LEFTY2: variants seen among roughly 807,000 people sequenced by gnomAD.
The protein encoded by LEFTY2 is TGF-beta-4.
In LEFTY2, 10 loss-of-function variants were observed where a neutral mutation model predicts 26.4. The ratio of observed to expected loss-of-function variants is 0.38; its 90% CI spans 0.23 to 0.64. The LOEUF is 0.64. LEFTY2 is among the 30% of genes least tolerant of loss of function. LEFTY2 has a pLI of 0.56. For synonymous variants in LEFTY2, 204 were observed against 234.1 expected (o/e 0.87, Z 1.17); for missense variants, 407 against 502.1 (o/e 0.81, Z 1.81).
Position 225,941,152 on chromosome 1 carries a change from G to C in LEFTY2, c.-12C>G, listed in dbSNP as rs1386542770. ...CACAGGGGCCACATGGTGCTGCCCTGGGGGAGCAGGAGGCAGAGTGGGGCT... is the reference window on the plus strand; with the variant it reads ...CACAGGGGCCACATGGTGCTGCCCTCGGGGAGCAGGAGGCAGAGTGGGGCT... On this transcript the variant is annotated 5_prime_UTR_variant, in exon 1 of 4. Transcript: ENST00000366820. The C allele has an allele frequency of 7.2e-6, 11 of 1,533,866 alleles. No individual in the cohort carries two copies. Among genetic ancestry groups the C allele is most frequent in the Middle Eastern group, 2.2e-4 (1 of 4,516 alleles).
rs1204205541 is a variant in LEFTY2 at position 225,941,186 on chromosome 1, G to C, written c.-46C>G. 6.7e-7 allele frequency: 1 copy of C among 1,494,254 alleles called. No homozygotes were observed. The highest frequency in any genetic ancestry group is 2.3e-5 in the Admixed American group (1 of 43,904). 92.6% of individuals were successfully genotyped at this position (1,494,254 alleles called of 1,614,324 possible). On this transcript the variant is annotated 5_prime_UTR_variant, in exon 1 of 4. Transcript: ENST00000366820. Reference sequence around the variant, plus strand: ...GGAGGCAGAGTGGGGCTGTCCTCTAGGGAGGTTGAAGGAGGGTCTCAGGCA... The same window carrying C: ...GGAGGCAGAGTGGGGCTGTCCTCTACGGAGGTTGAAGGAGGGTCTCAGGCA...
intron 1 of LEFTY2, among the ~76,000 whole-genome samples, 191 bp downstream of exon 1, chr1:225,940,700 G>C (rs1379916514): frequency 6.6e-6 from 1 of 152,092 alleles, no homozygotes; most frequent in Non-Finnish European, 1.5e-5. Flanking sequence ...TGGGCTGGAG[G>C]GGGGCCTCAG....
rs1553253639 is a variant in LEFTY2, at chr1:225,939,612, T to C, written c.498-12A>G. On this transcript the variant is annotated splice_polypyrimidine_tract_variant and intron_variant, in intron 2 of 3. Transcript: ENST00000366820. This position sits in a 1 kb window ranked among gnomAD's most constrained non-coding sequence, Gnocchi z 4.1. ...GGACGGACACCAGCCTGAGACATGA[T>C]ACACACGACACGGAGACCCAGCGCC... is the stretch of plus-strand genomic sequence containing the variant. 2.5e-6 allele frequency: 4 copies of C among 1,612,390 alleles called. No homozygotes were observed. Among genetic ancestry groups the C allele is most frequent in the African/African-American group, 1.3e-5 (1 of 74,992 alleles).
Position 225,939,304 on chromosome 1 carries a change from G to C in LEFTY2, c.737+57C>G, listed in dbSNP as rs540392243. The C allele has an allele frequency of 1.6e-5, 25 of 1,610,400 alleles. No homozygotes were observed. The highest frequency in any genetic ancestry group is 6.7e-5 in the Admixed American group (4 of 59,648). On this transcript the variant is annotated intron_variant, in intron 3 of 3. Transcript: ENST00000366820. The surrounding 1 kb of genome is among the most constrained non-coding windows in gnomAD (Gnocchi z 4.1). Reference sequence around the variant, plus strand: ...CGGTCCCCCAGACAGTCCTGGGGACGGGGGTCTGGACCACTCAGTGGCTGC... The same window carrying C: ...CGGTCCCCCAGACAGTCCTGGGGACCGGGGTCTGGACCACTCAGTGGCTGC...
At position 225,937,383 on chromosome 1, in the gene LEFTY2, A is replaced by G; in HGVS notation, c.*58T>C. The G allele has an allele frequency of 6.2e-7, 1 of 1,612,048 alleles. No individual in the cohort carries two copies. Among genetic ancestry groups the G allele is most frequent in the East Asian group, 2.2e-5 (1 of 44,892 alleles). On this transcript the variant is annotated 3_prime_UTR_variant, in exon 4 of 4. Coordinates refer to ENST00000366820, the MANE Select transcript of LEFTY2 (RefSeq NM_003240.5). ...TGCTAAGTATAAAGTTAAGACCTAC[A>G]TTAAGACCACCTCTATGCACACGTT...
At chr1:225,940,418 C>T (rs1250163270) in intron 1 of LEFTY2, among the ~76,000 whole-genome samples, 2 of 152,240 alleles carry the variant, frequency 1.3e-5, no homozygotes, top group East Asian at 1.9e-4. Flanking sequence ...CACAAGGACT[C>T]ACTTTGACGT....
chr1:225,938,023 A>G (rs1196999966), intron 3 of LEFTY2, among the ~76,000 whole-genome samples: 12 of 150,340 alleles, frequency 8.0e-5, no homozygotes, highest in Admixed American at 6.6e-4. Flanking sequence ...CCAGACAATG[A>G]ACTAGGTACT....
Position 225,941,077 on chromosome 1 carries a change from G to A in LEFTY2, c.64C>T (p.Leu22=). 1 of 1,600,510 alleles carries A rather than the reference G, an allele frequency of 6.2e-7. No individual in the cohort carries two copies. Residue 22 remains leucine (L), a synonymous_variant, in exon 1 of 4, where the codon CTG becomes TTG. Transcript: ENST00000366820. ...CTGCCCAGGAGCTGCTCCTCGGTCA[G>A]GGCCGCCCCGGGGCCAGCCAGGGGC... ...VLPLAGPGAA[L]TEEQLLGSLL...
Position 225,936,681 on chromosome 1 carries a change from T to C in LEFTY2, c.*760A>G, listed in dbSNP as rs1576154559. 6.6e-6 allele frequency: 1 copy of C among 152,300 alleles called. No homozygotes were observed. The highest frequency in any genetic ancestry group is 3.4e-3 in the Middle Eastern group (1 of 294). 9.4% of individuals were successfully genotyped at this position (152,300 alleles called of 1,614,324 possible). On this transcript the variant is annotated 3_prime_UTR_variant, in exon 4 of 4. Coordinates refer to ENST00000366820, the MANE Select transcript of LEFTY2 (RefSeq NM_003240.5). ...AATTAACAAAAAACATGCAAATACA[T>C]GTGGTTTCTGGTGACAAGTTCTCTA...
intron 1 of LEFTY2, chr1:225,940,228 T>G (rs1290348547): frequency 1.4e-6 from 1 of 711,484 alleles, no homozygotes; most frequent in South Asian, 1.8e-5. Context: ...TTGCCTCAGC[T>G]GAGATGCTGG....
At position 225,939,656 on chromosome 1, in the gene LEFTY2, G is replaced by C. The variant is rs1576157074; in HGVS notation, c.498-56C>G. 6.2e-7 allele frequency: 1 copy of C among 1,612,058 alleles called. No individual in the cohort carries two copies. Among genetic ancestry groups the C allele is most frequent in the East Asian group, 2.2e-5 (1 of 44,866 alleles). On this transcript the variant is annotated intron_variant, in intron 2 of 3. Transcript: ENST00000366820. The surrounding 1 kb of genome is among the most constrained non-coding windows in gnomAD (Gnocchi z 4.1). ...CAGCGCCGCTTGAGGGCGGGGACTGGGACGGGCCCCGAGGACCCTGCACCG... is the reference window on the plus strand; with the variant it reads ...CAGCGCCGCTTGAGGGCGGGGACTGCGACGGGCCCCGAGGACCCTGCACCG...
rs757708731 is a variant in LEFTY2 at position 225,939,218 on chromosome 1, C to T, written c.737+143G>A. On this transcript the variant is annotated intron_variant, in intron 3 of 3. Coordinates refer to ENST00000366820, the MANE Select transcript of LEFTY2 (RefSeq NM_003240.5). This position sits in a 1 kb window ranked among gnomAD's most constrained non-coding sequence, Gnocchi z 4.1. Reference sequence around the variant, plus strand: ...GAAACCCTGACATGTAGTGGGCAATCGCTGGCATCCTGGGACAGTCTGCAC... The same window carrying T: ...GAAACCCTGACATGTAGTGGGCAATTGCTGGCATCCTGGGACAGTCTGCAC... 5.3e-6 allele frequency: 7 copies of T among 1,326,882 alleles called. No homozygotes were observed. In the East Asian group the frequency reaches 7.6e-5, roughly 14 times the overall value. 82.2% of individuals were successfully genotyped at this position (1,326,882 alleles called of 1,614,324 possible).
Position 225,939,924 on chromosome 1 carries a change from T to A in LEFTY2, c.329A>T (p.Asn110Ile), listed in dbSNP as rs1172647395. 3.8e-6 allele frequency: 6 copies of A among 1,585,572 alleles called. No individual in the cohort carries two copies. In the East Asian group the frequency reaches 1.3e-4, roughly 36 times the overall value. ...VFGMEQRLPP[N>I]SELVQAVLRL... is the part of the protein sequence containing the mutation. ...CAGCACGGCCTGCACCAGCTCGCTG[T>A]TGGGCGGCAGCCGCTGCTCCATGCC... Residue 110 changes from asparagine to isoleucine, a missense_variant, in exon 2 of 4, where the codon AAC becomes ATC. Coordinates refer to ENST00000366820, the MANE Select transcript of LEFTY2 (RefSeq NM_003240.5). This position sits in a 1 kb window ranked among gnomAD's most constrained non-coding sequence, Gnocchi z 4.1.
chr1:225,937,654 G>A lies in LEFTY2; in HGVS notation c.888C>T (p.Thr296=). ...PGFLAYECVG[T]CQQPPEALAF... is the part of the protein sequence containing the mutation. ...CCAGGGCCTCCGGGGGCTGCTGGCA[G>A]GTGCCCACACACTCGTAAGCCAGGA... Residue 296 remains threonine, a synonymous_variant, in exon 4 of 4, where the codon ACC becomes ACT. Transcript: ENST00000366820. The A allele has an allele frequency of 6.2e-7, 1 of 1,614,156 alleles. No individual in the cohort carries two copies. Among genetic ancestry groups the A allele is most frequent in the Non-Finnish European group, 8.5e-7 (1 of 1,180,028 alleles).
At position 225,939,271 on chromosome 1, in the gene LEFTY2, C is replaced by T. The variant is rs528315107; in HGVS notation, c.737+90G>A. ...CGCTCTCCCTACCCCTAGCCCACCGCCACCATCCGGTCCCCCAGACAGTCC... is the reference window on the plus strand; with the variant it reads ...CGCTCTCCCTACCCCTAGCCCACCGTCACCATCCGGTCCCCCAGACAGTCC... On this transcript the variant is annotated intron_variant, in intron 3 of 3. Coordinates refer to ENST00000366820, the MANE Select transcript of LEFTY2 (RefSeq NM_003240.5). This position sits in a 1 kb window ranked among gnomAD's most constrained non-coding sequence, Gnocchi z 4.1. 5.1e-5 allele frequency: 81 copies of T among 1,585,144 alleles called. No homozygotes were observed. Among genetic ancestry groups the T allele is most frequent in the Non-Finnish European group, 6.3e-5 (73 of 1,166,398 alleles).
At position 225,939,791 on chromosome 1, in the gene LEFTY2, G is replaced by A. The variant is rs771500688; in HGVS notation, c.462C>T (p.Asp154=). 4 of 1,569,924 alleles carry A rather than the reference G, an allele frequency of 2.5e-6. No homozygotes were observed. The highest frequency in any genetic ancestry group is 2.6e-6 in the Non-Finnish European group (3 of 1,162,318). ...TGAGGGAGGTGCGGTTGGAGCCGTC[G>A]TCGCGGACGCGCAGCCACTCGACGG... ...RVTVEWLRVR[D]DGSNRTSLID... Residue 154 remains aspartate (D), a synonymous_variant, in exon 2 of 4, where the codon GAC becomes GAT. Coordinates refer to ENST00000366820, the MANE Select transcript of LEFTY2 (RefSeq NM_003240.5). This position sits in a 1 kb window ranked among gnomAD's most constrained non-coding sequence, Gnocchi z 4.1.
chr1:225,937,644 G>A lies in LEFTY2; in HGVS notation c.898C>T (p.Pro300Ser), dbSNP rs765196454. Residue 300 changes from proline to serine, a missense_variant, in exon 4 of 4, where the codon CCC becomes TCC. Pro to Ser is a moderately conservative substitution (Grantham distance 74). Coordinates refer to ENST00000366820, the MANE Select transcript of LEFTY2 (RefSeq NM_003240.5). ...CAATTGAAGGCCAGGGCCTCCGGGGGCTGCTGGCAGGTGCCCACACACTCG... is the reference window on the plus strand; with the variant it reads ...CAATTGAAGGCCAGGGCCTCCGGGGACTGCTGGCAGGTGCCCACACACTCG... Reference protein sequence around the residue: ...AYECVGTCQQPPEALAFNWPF... With the variant: ...AYECVGTCQQSPEALAFNWPF... The A allele has an allele frequency of 2.5e-6, 4 of 1,614,154 alleles. No individual in the cohort carries two copies. In the East Asian group the frequency reaches 8.9e-5, roughly 36 times the overall value.
intron 1 of LEFTY2, 139 bp from the exon 2 acceptor site, chr1:225,940,141 T>A (rs199816744): frequency 1.6e-5 from 22 of 1,342,036 alleles, no homozygotes; most frequent in Non-Finnish European, 2.1e-5. Flanking sequence ...TTACAAATCT[T>A]CCTTGGATCT....
rs755946624 is a variant in LEFTY2, at chr1:225,939,905, G to A, written c.348C>T (p.Ala116=). Residue 116 remains alanine, a synonymous_variant, in exon 2 of 4, where the codon GCC becomes GCT. Transcript: ENST00000366820. The surrounding 1 kb of genome is among the most constrained non-coding windows in gnomAD (Gnocchi z 4.1). ...CCGGCTCCTGGAAGAGCCGCAGCACGGCCTGCACCAGCTCGCTGTTGGGCG... is the reference window on the plus strand; with the variant it reads ...CCGGCTCCTGGAAGAGCCGCAGCACAGCCTGCACCAGCTCGCTGTTGGGCG... The part of the protein sequence containing the change: ...RLPPNSELVQ[A]VLRLFQEPVP... The A allele has an allele frequency of 2.7e-5, 42 of 1,566,172 alleles. No individual in the cohort carries two copies. Among genetic ancestry groups the A allele is most frequent in the Middle Eastern group, 4.6e-4 (2 of 4,394 alleles).
Sources: gnomAD v4.1 joint callset for allele counts (sites outside exome capture counted in the v4.1 genomes callset) on GRCh38, gnomAD v4.1.1 for gene constraint, Gnocchi (gnomAD v3.1) non-coding constraint, MANE v1.5 for transcripts, NCBI Gene and HGNC (gene_info 2026-07-23, HGNC 2026-07-21) for gene names.